CPLX4: variants seen among roughly 807,000 people sequenced by gnomAD.
The protein encoded by CPLX4 is complexin 4.
A neutral mutation model predicts 16.1 loss-of-function variants in CPLX4; 17 were observed. The observed-to-expected ratio is 1.06, with a 90% CI of 0.72 to 1.59. CPLX4 has a LOEUF of 1.59. CPLX4 is among the 40% of genes most tolerant of loss of function. The probability of loss-of-function intolerance (pLI) is 0.00; values close to 1 mark genes in which losing one functional copy is unlikely to be tolerated. For synonymous variants in CPLX4, 55 were observed against 57.8 expected (o/e 0.95, Z 0.22); for missense variants, 193 against 192.9 (o/e 1.00, Z 0.00).
chr18:59,307,507 C>T (rs1484685772), intron 2 of CPLX4, among the ~76,000 whole-genome samples: 2 of 152,206 alleles, frequency 1.3e-5, no homozygotes, highest in Non-Finnish European at 1.5e-5. Flanking sequence ...CCTCCGAATA[C>T]AGCAGTTCCT....
intron 1 of CPLX4, among the ~76,000 whole-genome samples, chr18:59,316,566 A>G (rs1164561099): frequency 6.6e-6 from 1 of 152,148 alleles, no homozygotes; most frequent in Non-Finnish European, 1.5e-5. Flanking sequence ...ATCCCTCTTT[A>G]TCATAGGGAA....
intron 2 of CPLX4, among the ~76,000 whole-genome samples, chr18:59,305,356 TAAACAAACAAAC>T (rs36130635): frequency 2.0e-5 from 3 of 150,862 alleles, no homozygotes; most frequent in South Asian, 2.1e-4. Context: ...ATAGTGGCTT[TAAACAAACAAAC>T]AAACAAACAA....
At chr18:59,310,932 G>T (rs1187691102) in intron 2 of CPLX4, among the ~76,000 whole-genome samples, 1 of 147,886 alleles carries the variant, frequency 6.8e-6, no homozygotes, top group Admixed American at 6.8e-5. Flanking sequence ...TCTGGACGAT[G>T]CACACCCAGC....
At chr18:59,307,512 G>C (rs1313724030) in intron 2 of CPLX4, among the ~76,000 whole-genome samples, 3 of 152,202 alleles carry the variant, frequency 2.0e-5, no homozygotes, top group Non-Finnish European at 4.4e-5. Flanking sequence ...GAATACAGCA[G>C]TTCCTTTGGT....
At chr18:59,314,225 G>C (rs1190049592) in intron 1 of CPLX4, among the ~76,000 whole-genome samples, 1 of 152,010 alleles carries the variant, frequency 6.6e-6, no homozygotes, top group African/African-American at 2.4e-5. Context: ...AGCGACCTGC[G>C]GCATGGACAA....
intron 1 of CPLX4, among the ~76,000 whole-genome samples, chr18:59,313,991 C>T (rs867353209): frequency 2.6e-5 from 4 of 152,092 alleles, no homozygotes; most frequent in Admixed American, 1.3e-4. Flanking sequence ...GTCTTGACTC[C>T]GAGTTTGTAA....
At chr18:59,305,399 AG>A (rs2070569969) in intron 2 of CPLX4, among the ~76,000 whole-genome samples, 1 of 152,164 alleles carries the variant, frequency 6.6e-6, no homozygotes, top group East Asian at 1.9e-4. Context: ...GGAAAGAAAC[AG>A]GATCAGATTT....
chr18:59,307,448 G>C (rs1375781272), intron 2 of CPLX4, among the ~76,000 whole-genome samples: 2 of 152,190 alleles, frequency 1.3e-5, no homozygotes, highest in Non-Finnish European at 2.9e-5. Flanking sequence ...TGGAAGCCAA[G>C]CCCCAAAGAG....
intron 2 of CPLX4, among the ~76,000 whole-genome samples, chr18:59,310,176 A>C (rs2070607196): frequency 6.6e-6 from 1 of 152,152 alleles, no homozygotes; most frequent in Admixed American, 6.5e-5. Flanking sequence ...CATGCAATGA[A>C]AGACACTGGT....
At chr18:59,317,145 AG>A (rs1368571732) in intron 1 of CPLX4, among the ~76,000 whole-genome samples, 1 of 152,198 alleles carries the variant, frequency 6.6e-6, no homozygotes, top group Admixed American at 6.5e-5. Context: ...ACAATAGACA[AG>A]GTTTCCACTA....
intron 1 of CPLX4, among the ~76,000 whole-genome samples, chr18:59,314,205 C>G (rs1195974047): frequency 1.3e-5 from 2 of 152,080 alleles, no homozygotes; most frequent in African/African-American, 4.8e-5. Flanking sequence ...AGTGACCTGT[C>G]CAGGAGATTA....
chr18:59,300,832 T>C (rs1030506729), intron 2 of CPLX4, among the ~76,000 whole-genome samples: 1 of 152,090 alleles, frequency 6.6e-6, no homozygotes, highest in Admixed American at 6.5e-5. Flanking sequence ...GACCTAGCAA[T>C]GACTCCTACC....
At chr18:59,308,461 A>C (rs1316039483) in intron 2 of CPLX4, among the ~76,000 whole-genome samples, 1 of 138,736 alleles carries the variant, frequency 7.2e-6, no homozygotes, top group Admixed American at 7.3e-5. Context: ...CAAAATAGTA[A>C]GGCTTTTTTT....
At chr18:59,314,975 A>G (rs143127698) in intron 1 of CPLX4, among the ~76,000 whole-genome samples, 6 of 152,330 alleles carry the variant, frequency 3.9e-5, no homozygotes, top group African/African-American at 1.2e-4. Context: ...TGCTAAGAAT[A>G]TTGTTCTAGA....
intron 2 of CPLX4, among the ~76,000 whole-genome samples, chr18:59,302,184 C>G (rs2070546316): frequency 6.6e-6 from 1 of 152,336 alleles, no homozygotes; most frequent in South Asian, 2.1e-4. Context: ...GCTGACAGGA[C>G]CTTGTCTGCA....
intron 1 of CPLX4, among the ~76,000 whole-genome samples, chr18:59,317,753 C>T (rs1038209880): frequency 5.3e-5 from 8 of 151,106 alleles, no homozygotes; most frequent in African/African-American, 1.9e-4. Context: ...TTAAACAGTC[C>T]ACAAATCCAT....
At chr18:59,312,808 G>A (rs752357725) in intron 1 of CPLX4, 36 bp from the exon 2 acceptor site, 1 of 924,118 alleles carries the variant, frequency 1.1e-6, no homozygotes, top group South Asian at 1.3e-5. Flanking sequence ...GAAGGATACA[G>A]AGAGCTAAGG....
intron 2 of CPLX4, among the ~76,000 whole-genome samples, chr18:59,307,180 C>A (rs752124024): frequency 3.8e-4 from 58 of 152,298 alleles, no homozygotes; most frequent in Admixed American, 2.7e-3. Flanking sequence ...CTTGAGTCTC[C>A]ATTTGTCACA....
At chr18:59,314,406 T>C (rs538013943) in intron 1 of CPLX4, among the ~76,000 whole-genome samples, 3 of 152,334 alleles carry the variant, frequency 2.0e-5, no homozygotes, top group Non-Finnish European at 4.4e-5. Flanking sequence ...TTTTGATACA[T>C]TTCGAAGTTG....
Sources: gnomAD v4.1 joint callset for allele counts (sites outside exome capture counted in the v4.1 genomes callset) on GRCh38, gnomAD v4.1.1 for gene constraint, MANE v1.5 for transcripts, NCBI Gene and HGNC (gene_info 2026-07-23, HGNC 2026-07-21) for gene names.